MAGI2: variants seen among roughly 807,000 people sequenced by gnomAD.
MAGI2 encodes the protein membrane associated guanylate kinase, WW and PDZ domain containing 2.
In MAGI2, 35 loss-of-function variants were observed where a neutral mutation model predicts 133.3. The observed-to-expected ratio is 0.26, with a 90% CI of 0.20 to 0.35. The LOEUF is 0.35. Among genes scored for constraint, MAGI2 ranks in the 10% least tolerant of loss-of-function variants. The pLI, the probability that MAGI2 is intolerant of heterozygous loss-of-function variation, is 1.00. For missense variants in MAGI2, 1,636 were observed against 1,863.4 expected (o/e 0.88, Z 2.25); for synonymous variants, 729 against 710.6 (o/e 1.03, Z -0.41).
chr7:78,976,473 A>G lies in MAGI2; in HGVS notation c.418+30617T>C, dbSNP rs1804260969. 1.3e-5 allele frequency among the ~76,000 whole-genome samples: 2 copies of G among 151,458 alleles called. 1 individual carries two copies. Among genetic ancestry groups the G allele is most frequent in the South Asian group, 4.1e-4 (2 of 4,832 alleles). The stretch of plus-strand genomic sequence containing the variant: ...AAAATAAATAAGTAAATAAATAAAT[A>G]AATAAATAAATCACCTAACATCTCA... On this transcript the variant is annotated intron_variant, in intron 2 of 21. Transcript: ENST00000354212.
intron 7 of MAGI2, among the ~76,000 whole-genome samples, chr7:78,362,934 T>C (rs1308432800): frequency 6.6e-6 from 1 of 152,204 alleles, no homozygotes; most frequent in African/African-American, 2.4e-5. Context: ...CTCAGTTAAC[T>C]CCTTAGAGAT....
intron 2 of MAGI2, among the ~76,000 whole-genome samples, chr7:78,846,735 T>C (rs893069624): frequency 2.0e-5 from 3 of 151,982 alleles, no homozygotes; most frequent in Non-Finnish European, 2.9e-5. Context: ...ATTTACAAGA[T>C]GGTCTCTCAG....
intron 2 of MAGI2, among the ~76,000 whole-genome samples, chr7:78,878,294 A>G (rs933837861): frequency 4.6e-5 from 7 of 152,306 alleles, no homozygotes; most frequent in Non-Finnish European, 7.4e-5. Flanking sequence ...GCTCTACTGA[A>G]TTTCCTAATA....
chr7:78,572,693 GC>G (rs1801633031), intron 3 of MAGI2, among the ~76,000 whole-genome samples: 1 of 151,288 alleles, frequency 6.6e-6, no homozygotes, highest in Non-Finnish European at 1.5e-5. Context: ...ACAGAGTTTC[GC>G]TCTTGTTGCC....
At chr7:79,272,837 T>C (rs1480279798) in intron 1 of MAGI2, among the ~76,000 whole-genome samples, 1 of 152,030 alleles carries the variant, frequency 6.6e-6, no homozygotes, top group African/African-American at 2.4e-5. Flanking sequence ...CCTCTTTACA[T>C]TTTCTGCCAA....
In MAGI2 at chr7:78,181,411, G is replaced by C. The variant is rs76504722; in HGVS notation, c.2312-3309C>G. Among the ~76,000 whole-genome samples, 677 of 152,106 alleles carry C rather than the reference G, an allele frequency of 4.5e-3. 3 individuals carry two copies. Among genetic ancestry groups the C allele is most frequent in the African/African-American group, 0.015 (630 of 41,490 alleles). ...CTGTTCCCTTCTTTATTTTTTCTGT[G>C]CTCTTTTTAAAAAAATCTTCTTTTT... On this transcript the variant is annotated intron_variant, in intron 13 of 21. Transcript: ENST00000354212.
intron 1 of MAGI2, among the ~76,000 whole-genome samples, chr7:79,147,179 A>G (rs1308284519): frequency 6.6e-6 from 1 of 152,252 alleles, no homozygotes; most frequent in Non-Finnish European, 1.5e-5. Context: ...AATACATGCA[A>G]AGAATCATTC....
chr7:78,144,092 C>G lies in MAGI2; in HGVS notation c.2846-8886G>C, dbSNP rs1823043779. ...TTACATTTTCCCTATCTATAGATTT[C>G]TTTCCTCAAAGAGCTCTATGAGAAG... On this transcript the variant is annotated intron_variant, in intron 16 of 21. Coordinates refer to ENST00000354212, the MANE Select transcript of MAGI2 (RefSeq NM_012301.4). Among the ~76,000 whole-genome samples, 2 of 151,960 alleles carry G rather than the reference C, an allele frequency of 1.3e-5. 1 individual carries two copies. The highest frequency in any genetic ancestry group is 4.1e-4 in the South Asian group (2 of 4,822).
At chr7:78,359,432 GAAAT>G (rs1220207533) in intron 7 of MAGI2, 2 of 152,276 alleles carry the variant, frequency 1.3e-5, no homozygotes, top group South Asian at 2.1e-4. Flanking sequence ...TGACCAGAAT[GAAAT>G]AAATTACTTT....
chr7:78,793,207 A>G (rs959558866), intron 2 of MAGI2, among the ~76,000 whole-genome samples: 3 of 152,190 alleles, frequency 2.0e-5, no homozygotes, highest in African/African-American at 7.2e-5. Flanking sequence ...GGTGTAGAGG[A>G]GAGACTCCAA....
intron 1 of MAGI2, among the ~76,000 whole-genome samples, chr7:79,440,739 T>A (rs1848442024): frequency 6.6e-6 from 1 of 152,158 alleles, no homozygotes; most frequent in South Asian, 2.1e-4. Flanking sequence ...AAAAAAAATG[T>A]AAATGGCTTA....
At chr7:78,209,965 C>T (rs1787608341) in intron 10 of MAGI2, among the ~76,000 whole-genome samples, 1 of 152,188 alleles carries the variant, frequency 6.6e-6, no homozygotes, top group African/African-American at 2.4e-5. Flanking sequence ...ATAGCTATCT[C>T]TGACCCTTTT....
chr7:78,271,788 C>G (rs185721047), intron 9 of MAGI2, among the ~76,000 whole-genome samples: 1 of 152,026 alleles, frequency 6.6e-6, no homozygotes, highest in Non-Finnish European at 1.5e-5. Context: ...TCTGTGGGAT[C>G]GGTGGTGATA....
At chr7:79,366,685 G>T (rs1219378951) in intron 1 of MAGI2, among the ~76,000 whole-genome samples, 1 of 151,700 alleles carries the variant, frequency 6.6e-6, no homozygotes, top group East Asian at 1.9e-4. Context: ...TTAAACAAGG[G>T]GTCTCTGTAT....
At chr7:78,136,638 C>A (rs1195159567) in intron 16 of MAGI2, among the ~76,000 whole-genome samples, 2 of 152,210 alleles carry the variant, frequency 1.3e-5, no homozygotes, top group Admixed American at 1.3e-4. Flanking sequence ...AGACTGTGAG[C>A]CCCAGCTCAG....
chr7:78,777,864 G>T (rs1826105529), intron 2 of MAGI2, among the ~76,000 whole-genome samples: 1 of 135,310 alleles, frequency 7.4e-6, no homozygotes, highest in African/African-American at 2.6e-5. Flanking sequence ...CTCAGGATCA[G>T]TTGTTGCACA....
At chr7:78,912,400 G>T in intron 2 of MAGI2, among the ~76,000 whole-genome samples, 1 of 152,112 alleles carries the variant, frequency 6.6e-6, no homozygotes. Flanking sequence ...ATTGATCCTG[G>T]ATGTGTCTGT....
At chr7:78,710,704 G>A (rs1037148601) in intron 2 of MAGI2, among the ~76,000 whole-genome samples, 3 of 152,026 alleles carry the variant, frequency 2.0e-5, no homozygotes, top group Non-Finnish European at 2.9e-5. Context: ...ATTAAATGCC[G>A]CTTGACACAA....
chr7:79,217,789 A>G lies in MAGI2; in HGVS notation c.302-210583T>C, dbSNP rs139134383. ...TCCCACCTCAGAGGGTACACTAGGAATTAAATTACATTTTGGGTATAAACA... is the reference window on the plus strand; with the variant it reads ...TCCCACCTCAGAGGGTACACTAGGAGTTAAATTACATTTTGGGTATAAACA... On this transcript the variant is annotated intron_variant, in intron 1 of 21. Transcript: ENST00000354212. 5.1e-4 allele frequency among the ~76,000 whole-genome samples: 78 copies of G among 152,158 alleles called. No individual in the cohort carries two copies. The East Asian group carries it at 0.011, about 21-fold the overall frequency.
Sources: allele counts gnomAD v4.1 joint callset (sites outside exome capture counted in the v4.1 genomes callset), GRCh38; gene constraint gnomAD v4.1.1; transcripts MANE v1.5; gene names NCBI Gene and HGNC (gene_info 2026-07-23, HGNC 2026-07-21).